The following ANKS1B variants were observed in gnomAD, a reference collection of about 807,000 sequenced individuals.
ANKS1B encodes ankyrin repeat and sterile alpha motif domain-containing protein 1B.
A neutral mutation model predicts 148.3 loss-of-function variants in ANKS1B; 36 were observed. The observed-to-expected ratio is 0.24, with a 90% CI of 0.19 to 0.32. The LOEUF is 0.32. Ranked by LOEUF, ANKS1B falls within the 10% of genes least tolerant of loss-of-function variation. The pLI is 1.00. For synonymous variants in ANKS1B, 542 were observed against 560.8 expected (o/e 0.97, Z 0.47); for missense variants, 1,157 against 1,542.6 (o/e 0.75, Z 4.19).
chr12:98,935,774 G>A (rs1290088259), intron 17 of ANKS1B, among the ~76,000 whole-genome samples: 1 of 152,136 alleles, frequency 6.6e-6, no homozygotes, highest in Non-Finnish European at 1.5e-5. Flanking sequence ...AAAAGTACTG[G>A]ATTCTATTTG....
intron 12 of ANKS1B, among the ~76,000 whole-genome samples, chr12:99,354,578 A>G (rs11109808): frequency 0.094 from 14,226 of 152,086 alleles, 1,220 homozygotes; most frequent in East Asian, 0.5. Context: ...ATGAATACCC[A>G]AAAGAAATGC....
intron 17 of ANKS1B, among the ~76,000 whole-genome samples, chr12:99,051,073 G>C (rs1365914598): frequency 3.9e-5 from 6 of 152,112 alleles, no homozygotes; most frequent in Admixed American, 3.9e-4. Context: ...CTAAGCCCCG[G>C]CAGTAAAGCC....
chr12:99,170,141 T>C (rs2077598860), intron 14 of ANKS1B, among the ~76,000 whole-genome samples: 1 of 152,234 alleles, frequency 6.6e-6, no homozygotes, highest in Non-Finnish European at 1.5e-5. Context: ...TGGATATTTT[T>C]ATTTCATGTC....
chr12:99,366,245 T>C (rs2092760086), intron 12 of ANKS1B, among the ~76,000 whole-genome samples: 1 of 152,196 alleles, frequency 6.6e-6, no homozygotes. Flanking sequence ...GTATCTCCAT[T>C]GATGACTGTC....
downstream of ANKS1B, among the ~76,000 whole-genome samples, chr12:98,742,132 T>A (rs551560874): frequency 3.3e-5 from 5 of 152,378 alleles, no homozygotes; most frequent in South Asian, 1.0e-3. Flanking sequence ...AGCTCATCTG[T>A]ACTCGTGAAG....
At chr12:99,208,916 CCTCT>C (rs2083002570) in intron 14 of ANKS1B, among the ~76,000 whole-genome samples, 1 of 151,970 alleles carries the variant, frequency 6.6e-6, no homozygotes, top group Admixed American at 6.6e-5. Flanking sequence ...TTTACTTTTT[CCTCT>C]CTATTTGATC....
chr12:98,896,317 A>G (rs575616922), intron 17 of ANKS1B, among the ~76,000 whole-genome samples: 2 of 152,330 alleles, frequency 1.3e-5, no homozygotes, highest in South Asian at 4.1e-4. Flanking sequence ...AGAAATATGA[A>G]TGAATTATTA....
intron 1 of ANKS1B, among the ~76,000 whole-genome samples, chr12:99,976,349 T>A (rs149177215): frequency 2.0e-5 from 3 of 152,200 alleles, no homozygotes; most frequent in African/African-American, 4.8e-5. Context: ...CTGTTGAAAA[T>A]TTTTTTTAAA....
intron 8 of ANKS1B, among the ~76,000 whole-genome samples, chr12:99,709,457 G>A (rs970074181): frequency 6.6e-6 from 1 of 152,052 alleles, no homozygotes; most frequent in Non-Finnish European, 1.5e-5. Flanking sequence ...TATGTTTCAG[G>A]TACAGAGTTA....
At chr12:99,363,776 C>A (rs1239241092) in intron 12 of ANKS1B, among the ~76,000 whole-genome samples, 1 of 152,086 alleles carries the variant, frequency 6.6e-6, no homozygotes, top group Non-Finnish European at 1.5e-5. Flanking sequence ...ATGCAACAAA[C>A]CTTTCAGATC....
At position 99,099,430 on chromosome 12, in the gene ANKS1B, G is replaced by A. The variant is rs577628279; in HGVS notation, c.2527-14407C>T. 3.3e-5 allele frequency among the ~76,000 whole-genome samples: 5 copies of A among 152,324 alleles called. No homozygotes were observed. In the South Asian group the frequency reaches 1.0e-3, roughly 32 times the overall value. On this transcript the variant is annotated intron_variant, in intron 15 of 26. Coordinates refer to ENST00000683438, the MANE Select transcript of ANKS1B (RefSeq NM_001352186.2). ...CTATCCAGGACACTGTGGTAGTCAGGAGAGTGTTGGGGGCCTGGCAGTGGG... is the reference window on the plus strand; with the variant it reads ...CTATCCAGGACACTGTGGTAGTCAGAAGAGTGTTGGGGGCCTGGCAGTGGG...
At chr12:98,753,405 G>A (rs549330353) in intron 25 of ANKS1B, among the ~76,000 whole-genome samples, 1 of 150,576 alleles carries the variant, frequency 6.6e-6, no homozygotes, top group Non-Finnish European at 1.5e-5. Flanking sequence ...GCTGAGAGCA[G>A]GCATGGTCTG....
chr12:99,898,897 C>A (rs2093485763), intron 1 of ANKS1B, among the ~76,000 whole-genome samples: 1 of 152,220 alleles, frequency 6.6e-6, no homozygotes, highest in Non-Finnish European at 1.5e-5. Context: ...GCTTTCACTA[C>A]ATAATCGCAA....
intron 17 of ANKS1B, among the ~76,000 whole-genome samples, chr12:99,050,694 T>TC (rs796882316): frequency 2.2e-4 from 32 of 143,562 alleles, no homozygotes; most frequent in African/African-American, 5.9e-4. Context: ...CTTTTTCTTT[T>TC]TTTTTTTTTT....
At chr12:99,631,992 A>T (rs2098165446) in intron 9 of ANKS1B, among the ~76,000 whole-genome samples, 1 of 152,188 alleles carries the variant, frequency 6.6e-6, no homozygotes, top group African/African-American at 2.4e-5. Context: ...CCCAGAAAGC[A>T]TTTCAGAAAT....
intron 9 of ANKS1B, among the ~76,000 whole-genome samples, chr12:99,506,648 A>G (rs370256436): frequency 6.6e-5 from 10 of 152,124 alleles, no homozygotes; most frequent in East Asian, 5.8e-4. Context: ...GGGGGGATGG[A>G]GAAAAGTTGA....
intron 17 of ANKS1B, among the ~76,000 whole-genome samples, chr12:98,869,096 G>C (rs1353943369): frequency 2.0e-5 from 3 of 152,108 alleles, no homozygotes; most frequent in Non-Finnish European, 4.4e-5. Context: ...CTTGTTCTTT[G>C]GCCAAGTAGC....
chr12:99,351,034 C>A (rs12423825), intron 12 of ANKS1B, among the ~76,000 whole-genome samples: 1 of 152,094 alleles, frequency 6.6e-6, no homozygotes, highest in Admixed American at 6.6e-5. Flanking sequence ...GAGTCATTTT[C>A]AAAATCACAA....
chr12:99,467,111 C>T (rs530978992), intron 10 of ANKS1B, among the ~76,000 whole-genome samples: 153 of 152,280 alleles, frequency 1.0e-3, no homozygotes, highest in African/African-American at 2.5e-3. Context: ...GGGCTTCATC[C>T]CTGGGATGCA....
Sources: allele counts gnomAD v4.1 joint callset (sites outside exome capture counted in the v4.1 genomes callset), GRCh38; gene constraint gnomAD v4.1.1; transcripts MANE v1.5; gene names NCBI Gene and HGNC (gene_info 2026-07-23, HGNC 2026-07-21).